LRP2: variants seen among roughly 807,000 people sequenced by gnomAD.
The protein encoded by LRP2 is LDL receptor related protein 2.
LRP2 carries 172 observed loss-of-function variants against 531.0 expected under a neutral mutation model. That is an observed-to-expected ratio of 0.32 (90% CI 0.29 to 0.37). The LOEUF (loss-of-function observed/expected upper bound fraction) is 0.37, where lower values mean the gene tolerates loss of function less well. LRP2 is among the 10% of genes least tolerant of loss of function. The pLI is 1.00. For missense variants in LRP2, 5,167 were observed against 5,868.3 expected (o/e 0.88, Z 3.90); for synonymous variants, 1,992 against 2,027.6 (o/e 0.98, Z 0.47).
At chr2:169,147,233 T>TTATGAAAGCTGTTCACTCTTCAAGAAA (rs1335400426) in intron 68 of LRP2, among the ~76,000 whole-genome samples, 1 of 150,442 alleles carries the variant, frequency 6.6e-6, no homozygotes, top group African/African-American at 2.4e-5. Context: ...GAAAGCTGTA[T>TTATGAAAGCTGTTCACTCTTCAAGAAA]TATGAAAGCT....
intron 31 of LRP2, among the ~76,000 whole-genome samples, chr2:169,228,685 T>C (rs544377592): frequency 6.6e-6 from 1 of 152,262 alleles, no homozygotes; most frequent in Admixed American, 6.5e-5. Flanking sequence ...CTTTATCTGA[T>C]AACTGCTGAT....
intron 52 of LRP2, among the ~76,000 whole-genome samples, chr2:169,180,341 G>A (rs894404745): frequency 6.6e-6 from 1 of 152,172 alleles, no homozygotes; most frequent in African/African-American, 2.4e-5. Context: ...CATCAAAATG[G>A]TATAAGTAAA....
At position 169,160,317 on chromosome 2, in the gene LRP2, C is replaced by T. The variant is rs111500093; in HGVS notation, c.11887+2155G>A. Among the ~76,000 whole-genome samples, 550 of 152,146 alleles carry T rather than the reference C, an allele frequency of 3.6e-3. 5 individuals carry two copies. The highest frequency in any genetic ancestry group is 0.012 in the African/African-American group (510 of 41,510). On this transcript the variant is annotated intron_variant, in intron 63 of 78. Coordinates refer to ENST00000649046, the MANE Select transcript of LRP2 (RefSeq NM_004525.3). Reference sequence around the variant, plus strand: ...TTTTAAAGATAACTATGTGAGATAACGGATATGTTAATTTGCTTGATTATA... The same window carrying T: ...TTTTAAAGATAACTATGTGAGATAATGGATATGTTAATTTGCTTGATTATA...
Position 169,207,264 on chromosome 2 carries a change from G to T in LRP2, c.6470-14C>A, listed in dbSNP as rs748083526. On this transcript the variant is annotated splice_polypyrimidine_tract_variant and intron_variant, in intron 38 of 78. Coordinates refer to ENST00000649046, the MANE Select transcript of LRP2 (RefSeq NM_004525.3). The stretch of plus-strand genomic sequence containing the variant: ...AATAAAGATTTCCTATGGGAAAAAT[G>T]AAAGTGCATGCTGATCAATGGAGAA... The T allele has an allele frequency of 1.9e-6, 3 of 1,580,928 alleles. No individual in the cohort carries two copies. The highest frequency in any genetic ancestry group is 2.6e-6 in the Non-Finnish European group (3 of 1,150,052).
intron 24 of LRP2, 56 bp downstream of exon 24, chr2:169,242,900 C>T: frequency 7.7e-7 from 1 of 1,291,240 alleles, no homozygotes; most frequent in Non-Finnish European, 1.1e-6. Flanking sequence ...AATATCAATA[C>T]TGGCAAAAAT....
At chr2:169,180,697 G>T (rs1687396175) in intron 52 of LRP2, among the ~76,000 whole-genome samples, 1 of 152,188 alleles carries the variant, frequency 6.6e-6, no homozygotes, top group Admixed American at 6.5e-5. Context: ...ATTTGAAATA[G>T]TTCTACTGAA....
intron 76 of LRP2, among the ~76,000 whole-genome samples, chr2:169,136,310 AC>A (rs202053453): frequency 2.0e-5 from 3 of 149,802 alleles, no homozygotes; most frequent in African/African-American, 2.5e-5. Flanking sequence ...TCTCCATGCC[AC>A]CCCCCCAAAA....
intron 49 of LRP2, 83 bp downstream of exon 49, chr2:169,187,887 T>C: frequency 7.0e-7 from 1 of 1,422,738 alleles, no homozygotes; most frequent in Non-Finnish European, 9.9e-7. Context: ...AGAGGACAGG[T>C]TGGAAAGTCT....
Position 169,226,480 on chromosome 2 carries a change from T to C in LRP2, c.5336A>G (p.Asn1779Ser), listed in dbSNP as rs1574153495. ...DAMVPIAGIQ[N>S]GLDVEFDDAE... ...ATCATCAAATTCAACATCTAAACCA[T>C]TCTGTATCCCTGCTATGGGGACCAT... Residue 1779 changes from asparagine (N) to serine (S), a missense_variant, in exon 32 of 79, where the codon AAT becomes AGT. Asn to Ser is a conservative substitution (Grantham distance 46). This residue lies in a region of LRP2 where 2,811 missense variants were observed against 3,058.0 expected (regional missense o/e 0.92). Transcript: ENST00000649046. The C allele has an allele frequency of 1.2e-6, 2 of 1,613,774 alleles. No individual in the cohort carries two copies. The highest frequency in any genetic ancestry group is 1.3e-5 in the African/African-American group (1 of 75,042).
At position 169,156,576 on chromosome 2, in the gene LRP2, A is replaced by G. The variant is rs931305689; in HGVS notation, c.12020-171T>C. On this transcript the variant is annotated intron_variant, in intron 64 of 78. Coordinates refer to ENST00000649046, the MANE Select transcript of LRP2 (RefSeq NM_004525.3). ...CACTAAGTTTCAGATACTGTTTCACATGCTTTTCAAATATTTTCCTCGTTT... is the reference window on the plus strand; with the variant it reads ...CACTAAGTTTCAGATACTGTTTCACGTGCTTTTCAAATATTTTCCTCGTTT... Among the ~76,000 whole-genome samples the G allele has an allele frequency of 3.9e-5, 6 of 152,198 alleles. No individual in the cohort carries two copies. In the East Asian group the frequency reaches 1.2e-3, roughly 29 times the overall value.
At chr2:169,305,042 C>G (rs757343898) in intron 4 of LRP2, among the ~76,000 whole-genome samples, 2 of 151,990 alleles carry the variant, frequency 1.3e-5, no homozygotes, top group African/African-American at 4.8e-5. Context: ...GAGAGGGGAA[C>G]GTCACACATG....
At chr2:169,308,701 A>G (rs1386322138) in intron 3 of LRP2, among the ~76,000 whole-genome samples, 2 of 152,180 alleles carry the variant, frequency 1.3e-5, no homozygotes, top group African/African-American at 2.4e-5. Context: ...ATGTGTCTTT[A>G]TAGCAGCATG....
chr2:169,138,482 T>C, intron 75 of LRP2, 95 bp downstream of exon 75: 3 of 1,352,774 alleles, frequency 2.2e-6, no homozygotes, highest in Middle Eastern at 1.8e-4. Context: ...CCTAATACTG[T>C]ATTTCAGTCT....
intron 70 of LRP2, among the ~76,000 whole-genome samples, chr2:169,144,457 C>T (rs1306909275): frequency 8.2e-6 from 1 of 122,030 alleles, no homozygotes; most frequent in Non-Finnish European, 1.6e-5. Context: ...GAGGGAGATG[C>T]TTTTCCTTCA....
At position 169,216,329 on chromosome 2, in the gene LRP2, T is replaced by C; in HGVS notation, c.5750A>G (p.Asn1917Ser). 6.2e-7 allele frequency: 1 copy of C among 1,613,636 alleles called. No homozygotes were observed. The highest frequency in any genetic ancestry group is 8.5e-7 in the Non-Finnish European group (1 of 1,179,692). The change falls in exon 35 of 79, where the codon AAC becomes AGC. Residue 1917 changes from asparagine to serine, a missense_variant. Asn to Ser is a conservative substitution (Grantham distance 46). This residue lies in a region of LRP2 where 2,811 missense variants were observed against 3,058.0 expected (regional missense o/e 0.92). Coordinates refer to ENST00000649046, the MANE Select transcript of LRP2 (RefSeq NM_004525.3). The stretch of plus-strand genomic sequence containing the variant: ...AGTGACACACTCCAGGTGTTCGAGG[T>C]TCCCAGTAAAGAGAGTTTTCACAGA... ...GTSVKTLFTGNLEHLECVTLD... is the reference protein window; with the variant it reads ...GTSVKTLFTGSLEHLECVTLD...
chr2:169,282,902 C>G lies in LRP2; in HGVS notation c.1142G>C (p.Arg381Pro), dbSNP rs1431305263. ...CHCEEGYILE[R>P]GQYCKANDSF... ...ATCATTAGCTTTGCAATACTGTCCACGCTCCAAGATATACCCTTCTTCACA... is the reference window on the plus strand; with the variant it reads ...ATCATTAGCTTTGCAATACTGTCCAGGCTCCAAGATATACCCTTCTTCACA... Residue 381 changes from arginine (R) to proline (P), a missense_variant, in exon 10 of 79, where the codon CGT (arginine) becomes CCT (proline). By Grantham distance (103) the Arg-to-Pro change is moderately radical. Coordinates refer to ENST00000649046, the MANE Select transcript of LRP2 (RefSeq NM_004525.3). 1 of 1,613,944 alleles carries G rather than the reference C, an allele frequency of 6.2e-7. No individual in the cohort carries two copies. Among genetic ancestry groups the G allele is most frequent in the African/African-American group, 1.3e-5 (1 of 74,922 alleles).
intron 35 of LRP2, 90 bp from the exon 36 acceptor site, chr2:169,213,960 C>T: frequency 1.2e-6 from 1 of 845,146 alleles, no homozygotes; most frequent in South Asian, 1.4e-5. Context: ...TATAATGTCT[C>T]ACATTTATAC....
chr2:169,362,515 C>T lies in LRP2; in HGVS notation c.-116G>A. 1.1e-6 allele frequency: 1 copy of T among 903,986 alleles called. No homozygotes were observed. The highest frequency in any genetic ancestry group is 1.7e-6 in the Non-Finnish European group (1 of 574,086). 56.0% of individuals were successfully genotyped at this position (903,986 alleles called of 1,614,324 possible). On this transcript the variant is annotated 5_prime_UTR_variant, in exon 1 of 79. Coordinates refer to ENST00000649046, the MANE Select transcript of LRP2 (RefSeq NM_004525.3). Reference sequence around the variant, plus strand: ...TCCTTTAGGTCTGCACCTCCGCCAGCTCCTAGTGGCCAAAAGCCTGCCCCC... The same window carrying T: ...TCCTTTAGGTCTGCACCTCCGCCAGTTCCTAGTGGCCAAAAGCCTGCCCCC...
chr2:169,166,109 C>A, intron 61 of LRP2, 55 bp from the exon 62 acceptor site: 2 of 1,589,888 alleles, frequency 1.3e-6, no homozygotes, highest in South Asian at 2.2e-5. Flanking sequence ...ATCTAAGTGT[C>A]AATATCTAAA....
Sources: allele counts gnomAD v4.1 joint callset (sites outside exome capture counted in the v4.1 genomes callset), GRCh38; gene constraint gnomAD v4.1.1; regional missense constraint gnomAD v4.1.1; transcripts MANE v1.5; gene names NCBI Gene and HGNC (gene_info 2026-07-23, HGNC 2026-07-21).